The following MIOS variants were observed in gnomAD, a reference collection of about 807,000 sequenced individuals.
The protein encoded by MIOS is GATOR2 complex protein MIOS.
In MIOS, 52 loss-of-function variants were observed where a neutral mutation model predicts 96.9. The ratio of observed to expected loss-of-function variants is 0.54; its 90% CI spans 0.43 to 0.68. MIOS has a LOEUF of 0.68. Among genes scored for constraint, MIOS ranks in the 30% least tolerant of loss-of-function variants. The probability of loss-of-function intolerance (pLI) is 0.00; values close to 1 mark genes in which losing one functional copy is unlikely to be tolerated. For missense variants in MIOS, 1,005 were observed against 1,052.8 expected (o/e 0.95, Z 0.63); for synonymous variants, 397 against 359.5 (o/e 1.10, Z -1.18).
At chr7:7,595,174 G>C (rs747273103) in intron 10 of MIOS, 42 bp downstream of exon 10, 5 of 1,568,748 alleles carry the variant, frequency 3.2e-6, no homozygotes, top group Non-Finnish European at 4.3e-6. Context: ...GTAACATGTT[G>C]ATGTTCAATT....
At chr7:7,590,385 G>T (rs1784013927) in intron 9 of MIOS, among the ~76,000 whole-genome samples, 1 of 152,180 alleles carries the variant, frequency 6.6e-6, no homozygotes, top group Non-Finnish European at 1.5e-5. Context: ...ATAAAATTAT[G>T]TCTTTTAAAT....
At position 7,607,057 on chromosome 7, in the gene MIOS, G is replaced by A. The variant is rs779365118; in HGVS notation, c.2593G>A (p.Gly865Arg). The change falls in exon 13 of 13, where the codon GGG becomes AGG. Residue 865 changes from glycine to arginine, a missense_variant. Coordinates refer to ENST00000340080, the MANE Select transcript of MIOS (RefSeq NM_019005.4). ...TCKCMQLDTTGNLVPAETVQP is the reference protein window; with the variant it reads ...TCKCMQLDTTRNLVPAETVQP The stretch of plus-strand genomic sequence containing the variant: ...TAAATGTATGCAGTTGGATACAACA[G>A]GGAATCTGGTACCTGCAGAGACTGT... 2.5e-6 allele frequency: 4 copies of A among 1,612,784 alleles called. No homozygotes were observed. The African/African-American group carries it at 5.3e-5, about 22-fold the overall frequency.
chr7:7,576,233 C>T (rs975769637), intron 5 of MIOS, among the ~76,000 whole-genome samples: 1 of 152,142 alleles, frequency 6.6e-6, no homozygotes, highest in Non-Finnish European at 1.5e-5. Flanking sequence ...TATTTATTAC[C>T]TACATGCATG....
At position 7,573,866 on chromosome 7, in the gene MIOS, A is replaced by G. The variant is rs118161018; in HGVS notation, c.1294+97A>G. ...TCTGTAAATATGCTCAATGTTTTAT[A>G]TACAAATACAAGTTACATAATACTA... On this transcript the variant is annotated intron_variant, in intron 4 of 12. Transcript: ENST00000340080. This position sits in a 1 kb window ranked among gnomAD's most constrained non-coding sequence, Gnocchi z 5.0. 4.4e-4 allele frequency: 518 copies of G among 1,174,438 alleles called. 3 individuals are homozygous for G. The East Asian group carries it at 0.01, about 23-fold the overall frequency. The allele number at this position is 1,174,438 out of a possible 1,614,324, so 72.8% of individuals were successfully genotyped here.
At chr7:7,582,369 T>C (rs1311196080) in intron 5 of MIOS, among the ~76,000 whole-genome samples, 1 of 152,222 alleles carries the variant, frequency 6.6e-6, no homozygotes, top group African/African-American at 2.4e-5. Context: ...GTGTCATCTT[T>C]ATTCGTTTTG....
intron 7 of MIOS, among the ~76,000 whole-genome samples, chr7:7,587,766 G>C (rs761512311): frequency 6.6e-6 from 1 of 151,930 alleles, no homozygotes; most frequent in African/African-American, 2.4e-5. Context: ...GTGATCTTAC[G>C]GTTAAAAAAG....
chr7:7,597,040 T>G (rs1241680370), intron 11 of MIOS, among the ~76,000 whole-genome samples: 1 of 151,974 alleles, frequency 6.6e-6, no homozygotes, highest in Non-Finnish European at 1.5e-5. Context: ...ATAAAAAATT[T>G]TTTTGGCCGG....
chr7:7,605,659 A>G, intron 11 of MIOS: 1 of 242,222 alleles, frequency 4.1e-6, no homozygotes, highest in Non-Finnish European at 8.0e-6. Context: ...TTCCTTGTGG[A>G]AAGATTTTAA....
At chr7:7,592,795 C>CAG (rs1784086409) in intron 9 of MIOS, among the ~76,000 whole-genome samples, 1 of 152,146 alleles carries the variant, frequency 6.6e-6, no homozygotes, top group Non-Finnish European at 1.5e-5. Context: ...TGGGGAGCAG[C>CAG]CGTAAATACA....
At chr7:7,567,778 A>T (rs1018142340) in intron 2 of MIOS, 90 bp downstream of exon 2, 4 of 152,388 alleles carry the variant, frequency 2.6e-5, no homozygotes, top group Admixed American at 1.3e-4. Context: ...TTCACTGTCC[A>T]GTAGCCACAT....
In MIOS at chr7:7,573,563, T is replaced by G; in HGVS notation, c.1088T>G (p.Ile363Ser). 1 of 1,614,094 alleles carries G rather than the reference T, an allele frequency of 6.2e-7. No individual in the cohort carries two copies. ...FERISLAWSPITSLMWACGRH... is the reference protein window; with the variant it reads ...FERISLAWSPSTSLMWACGRH... ...AGGATATCTCTTGCCTGGAGCCCAA[T>G]TACATCTTTAATGTGGGCTTGTGGT... The change falls in exon 4 of 13, where the codon ATT becomes AGT. Residue 363 changes from isoleucine (I) to serine (S), a missense_variant. By Grantham distance (142) the Ile-to-Ser change is moderately radical. Around this residue, in one of 3 missense-constraint regions of MIOS, gnomAD observed 865 missense variants for 887.9 expected, o/e 0.97. Coordinates refer to ENST00000340080, the MANE Select transcript of MIOS (RefSeq NM_019005.4). The surrounding 1 kb of genome is among the most constrained non-coding windows in gnomAD (Gnocchi z 5.0).
intron 9 of MIOS, among the ~76,000 whole-genome samples, chr7:7,590,176 C>G (rs1784007994): frequency 6.6e-6 from 1 of 152,138 alleles, no homozygotes; most frequent in African/African-American, 2.4e-5. Flanking sequence ...CCTCCTCTTT[C>G]CTGCCCTCAT....
At chr7:7,596,119 C>T in intron 10 of MIOS, 138 bp from the exon 11 acceptor site, 1 of 727,014 alleles carries the variant, frequency 1.4e-6, no homozygotes, top group Non-Finnish European at 2.1e-6. Flanking sequence ...AGCTAGTCAA[C>T]CTTAGCAGAT....
chr7:7,581,134 C>A (rs573449759), intron 5 of MIOS, among the ~76,000 whole-genome samples: 2 of 150,846 alleles, frequency 1.3e-5, no homozygotes, highest in African/African-American at 4.9e-5. Flanking sequence ...ACAGCCCGGC[C>A]AACATGGCGA....
At chr7:7,569,487 A>G (rs1443605644) in intron 3 of MIOS, among the ~76,000 whole-genome samples, 1 of 152,242 alleles carries the variant, frequency 6.6e-6, no homozygotes, top group Non-Finnish European at 1.5e-5. Flanking sequence ...TAGAAGTGGA[A>G]GCATGAGGAA....
chr7:7,608,576 A>T lies in MIOS; in HGVS notation c.*1484A>T, dbSNP rs899335283. ...TGGTAATTGCAATTTTTTTTTAAAG[A>T]TTGCTATTAAGGGTACTTTTTCCAG... On this transcript the variant is annotated 3_prime_UTR_variant, in exon 13 of 13. Transcript: ENST00000340080. 3 of 151,922 alleles carry T rather than the reference A, an allele frequency of 2.0e-5. No individual in the cohort carries two copies. The allele number at this position is 151,922 out of a possible 1,614,324, so 9.4% of individuals were successfully genotyped here.
At chr7:7,591,531 C>T (rs1022279607) in intron 9 of MIOS, among the ~76,000 whole-genome samples, 2 of 152,146 alleles carry the variant, frequency 1.3e-5, no homozygotes, top group South Asian at 2.1e-4. Flanking sequence ...CTGCCCGCCC[C>T]GGCCTCCGAA....
At chr7:7,571,081 TAGAG>T (rs1783336648) in intron 3 of MIOS, among the ~76,000 whole-genome samples, 1 of 152,184 alleles carries the variant, frequency 6.6e-6, no homozygotes, top group South Asian at 2.1e-4. Flanking sequence ...GCACTAAGGA[TAGAG>T]AGGTAAGTGA....
chr7:7,598,923 C>G (rs1784292603), intron 11 of MIOS, among the ~76,000 whole-genome samples: 1 of 151,850 alleles, frequency 6.6e-6, no homozygotes, highest in Admixed American at 6.6e-5. Context: ...TCCATATTTG[C>G]TACAGAAATA....
Sources: gnomAD v4.1 joint callset for allele counts (sites outside exome capture counted in the v4.1 genomes callset) on GRCh38, gnomAD v4.1.1 for gene constraint, gnomAD v4.1.1 regional missense constraint, Gnocchi (gnomAD v3.1) non-coding constraint, MANE v1.5 for transcripts, NCBI Gene and HGNC (gene_info 2026-07-23, HGNC 2026-07-21) for gene names.